Variants in MBP observed in about 807,000 individuals in gnomAD.
The protein encoded by MBP is myelin basic protein, also known as Golli-MBP.
A neutral mutation model predicts 35.8 loss-of-function variants in MBP; 16 were observed. The ratio of observed to expected loss-of-function variants is 0.45; its 90% CI spans 0.30 to 0.68. MBP has a LOEUF of 0.68. MBP is among the 30% of genes least tolerant of loss of function. MBP has a pLI of 0.08. For missense variants in MBP, 380 were observed against 404.7 expected (o/e 0.94, Z 0.52); for synonymous variants, 143 against 159.6 (o/e 0.90, Z 0.78).
At chr18:77,037,381 C>A (rs907408571) in intron 3 of MBP, among the ~76,000 whole-genome samples, 1 of 152,216 alleles carries the variant, frequency 6.6e-6, no homozygotes, top group Non-Finnish European at 1.5e-5. Context: ...CTGAGCTGAG[C>A]AAGCGGCCAG....
intron 4 of MBP, among the ~76,000 whole-genome samples, chr18:77,001,711 G>T (rs143433961): frequency 6.6e-6 from 1 of 152,104 alleles, no homozygotes; most frequent in Non-Finnish European, 1.5e-5. Flanking sequence ...TTAGCTGGGC[G>T]TGGTGGCGGA....
At chr18:77,001,433 C>T (rs1290193852) in intron 4 of MBP, among the ~76,000 whole-genome samples, 1 of 152,226 alleles carries the variant, frequency 6.6e-6, no homozygotes, top group Non-Finnish European at 1.5e-5. Context: ...GCCAGGGTAC[C>T]CACGCTGCAG....
chr18:77,083,869 G>C (rs1975081682), intron 2 of MBP, among the ~76,000 whole-genome samples: 3 of 152,180 alleles, frequency 2.0e-5, no homozygotes, highest in Admixed American at 2.0e-4. Flanking sequence ...ATTGCTAGAA[G>C]GCACAGGTTT....
At chr18:77,009,958 T>G (rs1235765311) in intron 4 of MBP, 1 of 1,502,218 alleles carries the variant, frequency 6.7e-7, no homozygotes, top group Non-Finnish European at 9.1e-7. Flanking sequence ...GCTGCGTGAG[T>G]CCGGGTGGGC....
intron 7 of MBP, chr18:76,987,215 T>A (rs1455533826): frequency 1.0e-6 from 1 of 985,320 alleles, no homozygotes; most frequent in Non-Finnish European, 1.2e-6. Context: ...TAAGAGCAGA[T>A]AAAGCAGTAG....
At chr18:77,042,145 T>C (rs905036096) in intron 3 of MBP, among the ~76,000 whole-genome samples, 1 of 152,084 alleles carries the variant, frequency 6.6e-6, no homozygotes, top group African/African-American at 2.4e-5. Context: ...CTGACCTTTT[T>C]TGGAAGTTTT....
At chr18:77,014,363 G>A (rs181653363) in intron 4 of MBP, 105 of 985,278 alleles carry the variant, frequency 1.1e-4, no homozygotes, top group South Asian at 1.4e-4. Flanking sequence ...GTCATGGGGG[G>A]GCTCCACTCA....
chr18:76,985,085 C>T (rs1969468288), intron 7 of MBP, 191 bp from the exon 8 acceptor site: 2 of 1,515,724 alleles, frequency 1.3e-6, no homozygotes, highest in South Asian at 1.2e-5. Flanking sequence ...CCCAGGTCTA[C>T]CAGGGTGTTG....
chr18:76,987,553 T>A, intron 7 of MBP: 1 of 985,354 alleles, frequency 1.0e-6, no homozygotes, highest in Non-Finnish European at 1.2e-6. Flanking sequence ...TGTTCTTTCT[T>A]CCTGTTCTTT....
chr18:77,065,299 G>A (rs1437455636), intron 3 of MBP, among the ~76,000 whole-genome samples: 1 of 152,116 alleles, frequency 6.6e-6, no homozygotes, highest in Non-Finnish European at 1.5e-5. Context: ...GGCATCGCAT[G>A]GTGACACAGA....
intron 2 of MBP, among the ~76,000 whole-genome samples, chr18:77,086,030 G>A (rs1975219615): frequency 6.6e-6 from 1 of 152,196 alleles, no homozygotes; most frequent in Admixed American, 6.5e-5. Context: ...GACAAACAGA[G>A]AGAGAGAGAG....
chr18:77,043,857 A>G (rs1414141743), intron 3 of MBP, among the ~76,000 whole-genome samples: 2 of 152,058 alleles, frequency 1.3e-5, no homozygotes, highest in Non-Finnish European at 1.5e-5. Context: ...TGCTACTCAC[A>G]TGCCCACACG....
chr18:77,054,309 C>T (rs1011190785), intron 3 of MBP, among the ~76,000 whole-genome samples: 2 of 152,198 alleles, frequency 1.3e-5, no homozygotes, highest in African/African-American at 2.4e-5. Context: ...GAGATGTCAA[C>T]GAGAAGGGAC....
At chr18:77,112,374 C>T (rs532938060) in intron 1 of MBP, among the ~76,000 whole-genome samples, 2 of 152,336 alleles carry the variant, frequency 1.3e-5, no homozygotes, top group South Asian at 2.1e-4. Flanking sequence ...GTCCTGATTG[C>T]GTGTTCATCA....
In MBP at chr18:77,012,947, A is replaced by G. The variant is rs1971432285; in HGVS notation, c.576+3885T>C. ...ACAAATGTATCGCTTATACAGAGGA[A>G]GTTGCAAAATCACTGCCAGTACAGA... On this transcript the variant is annotated intron_variant, in intron 4 of 8. Coordinates refer to ENST00000355994, the MANE Select transcript of MBP (RefSeq NM_001025101.2). The G allele has an allele frequency of 9.1e-6, 9 of 985,346 alleles. No individual in the cohort carries two copies. The South Asian group carries it at 3.8e-4, about 41-fold the overall frequency. 61.0% of individuals were successfully genotyped at this position (985,346 alleles called of 1,614,324 possible). A position where few individuals can be genotyped will look rare whatever the true frequency, so the allele number is the denominator to read the frequency against.
intron 4 of MBP, chr18:77,005,759 G>A: frequency 6.6e-6 from 1 of 152,542 alleles, no homozygotes; most frequent in African/African-American, 2.4e-5. Context: ...GGCCAGCAGG[G>A]CTTTTAGAGC....
chr18:77,115,979 A>G (rs1425749999), intron 1 of MBP, among the ~76,000 whole-genome samples: 1 of 149,808 alleles, frequency 6.7e-6, no homozygotes, highest in African/African-American at 2.5e-5. Context: ...ACATCTTCAC[A>G]TGAGTGTGCA....
At chr18:77,079,933 G>A (rs1481419359) in intron 2 of MBP, among the ~76,000 whole-genome samples, 8 of 152,118 alleles carry the variant, frequency 5.3e-5, no homozygotes. Flanking sequence ...GGGATTGAAC[G>A]GTTCTTCACC....
intron 2 of MBP, among the ~76,000 whole-genome samples, chr18:77,083,165 C>T (rs748128107): frequency 1.3e-5 from 2 of 152,026 alleles, no homozygotes; most frequent in Non-Finnish European, 2.9e-5. Flanking sequence ...CAGGGTTTTG[C>T]CACGTTGGCC....
Sources: allele counts gnomAD v4.1 joint callset (sites outside exome capture counted in the v4.1 genomes callset), GRCh38; gene constraint gnomAD v4.1.1; transcripts MANE v1.5; gene names NCBI Gene and HGNC (gene_info 2026-07-23, HGNC 2026-07-21).